The following SLC8A1 variants were observed in gnomAD, a reference collection of about 807,000 sequenced individuals.
SLC8A1 encodes the protein sodium/calcium exchanger 1.
A neutral mutation model predicts 68.3 loss-of-function variants in SLC8A1; 18 were observed. That is an observed-to-expected ratio of 0.26 (90% CI 0.18 to 0.39). The LOEUF is 0.39. SLC8A1 is among the 10% of genes least tolerant of loss of function. SLC8A1 has a pLI of 1.00. For missense variants in SLC8A1, 985 were observed against 1,156.7 expected (o/e 0.85, Z 2.15); for synonymous variants, 475 against 415.5 (o/e 1.14, Z -1.74).
At chr2:40,399,636 A>G (rs1433984638) in intron 2 of SLC8A1, among the ~76,000 whole-genome samples, 1 of 152,186 alleles carries the variant, frequency 6.6e-6, no homozygotes, top group East Asian at 1.9e-4. Context: ...ATGTTACCAA[A>G]AATGCTATGC....
intron 1 of SLC8A1, among the ~76,000 whole-genome samples, chr2:40,458,463 G>A (rs977696318): frequency 2.6e-5 from 4 of 152,116 alleles, no homozygotes; most frequent in Non-Finnish European, 4.4e-5. Context: ...GGGGACTGGT[G>A]TAGATGGAAA....
At chr2:40,427,564 G>A (rs1576406591) in intron 2 of SLC8A1, among the ~76,000 whole-genome samples, 1 of 151,290 alleles carries the variant, frequency 6.6e-6, no homozygotes, top group East Asian at 2.0e-4. Flanking sequence ...GTTTGCTTTT[G>A]GTGAGTTGAG....
intron 1 of SLC8A1, among the ~76,000 whole-genome samples, chr2:40,464,675 A>G (rs753852081): frequency 6.6e-6 from 1 of 152,042 alleles, no homozygotes; most frequent in Non-Finnish European, 1.5e-5. Context: ...ACAGTCTGAG[A>G]AGTGGGGATG....
At chr2:40,455,764 GT>G (rs1159398612), upstream of SLC8A1, among the ~76,000 whole-genome samples, 1 of 152,180 alleles carries the variant, frequency 6.6e-6, no homozygotes, top group African/African-American at 2.4e-5. Context: ...CTGGAGACTT[GT>G]TCCTGCAGTT....
At chr2:40,376,416 G>C (rs186691651) in intron 2 of SLC8A1, among the ~76,000 whole-genome samples, 5 of 152,168 alleles carry the variant, frequency 3.3e-5, no homozygotes, top group African/African-American at 1.2e-4. Context: ...GCAAGTCTCA[G>C]ACTAAATTCT....
chr2:40,130,858 T>A (rs928760406), intron 7 of SLC8A1, among the ~76,000 whole-genome samples: 1 of 152,234 alleles, frequency 6.6e-6, no homozygotes, highest in Non-Finnish European at 1.5e-5. Context: ...TCAGTGAAAC[T>A]GCAGGAAACA....
At chr2:40,161,067 T>C (rs1022402847) in intron 5 of SLC8A1, among the ~76,000 whole-genome samples, 1 of 152,264 alleles carries the variant, frequency 6.6e-6, no homozygotes, top group South Asian at 2.1e-4. Flanking sequence ...TGGAAACTTC[T>C]TTGTAGCAAA....
At chr2:40,160,421 C>T (rs552880479) in intron 6 of SLC8A1, among the ~76,000 whole-genome samples, 1 of 152,062 alleles carries the variant, frequency 6.6e-6, no homozygotes, top group African/African-American at 2.4e-5. Flanking sequence ...TTTTTCTTGA[C>T]CTTGACTTGG....
At chr2:40,253,030 C>CATAT (rs754301885) in intron 2 of SLC8A1, among the ~76,000 whole-genome samples, 33,351 of 117,962 alleles carry the variant, frequency 0.28, 5,456 homozygotes, top group Admixed American at 0.38. Context: ...TATGTATATA[C>CATAT]ATATGTATCA....
intron 2 of SLC8A1, among the ~76,000 whole-genome samples, chr2:40,234,390 GCTCT>G (rs1490448875): frequency 2.6e-5 from 4 of 151,878 alleles, no homozygotes; most frequent in South Asian, 2.1e-4. Flanking sequence ...TCATGATTTG[GCTCT>G]CTGTTTGTCT....
At chr2:40,309,698 G>T (rs561338208) in intron 2 of SLC8A1, among the ~76,000 whole-genome samples, 2 of 151,934 alleles carry the variant, frequency 1.3e-5, no homozygotes, top group African/African-American at 2.4e-5. Context: ...TAGAGACAGG[G>T]TTTCACTATG....
chr2:40,360,357 C>A (rs1246390969), intron 2 of SLC8A1, among the ~76,000 whole-genome samples: 1 of 152,202 alleles, frequency 6.6e-6, no homozygotes, highest in East Asian at 1.9e-4. Flanking sequence ...ATAGCAAGTA[C>A]ATTTAAGTTA....
chr2:40,113,549 G>C (rs181455563), exon 8 of SLC8A1: 1 of 152,610 alleles, frequency 6.6e-6, no homozygotes, highest in Non-Finnish European at 1.5e-5. Context: ...TTAAAGGCCC[G>C]TTGGTCACCC....
chr2:40,343,264 G>A (rs1047991443), intron 2 of SLC8A1, among the ~76,000 whole-genome samples: 3 of 151,914 alleles, frequency 2.0e-5, no homozygotes, highest in Non-Finnish European at 4.4e-5. Flanking sequence ...TTTGGCCATA[G>A]GATAACTCAC....
chr2:40,495,441 C>A (rs1363845352), intron 1 of SLC8A1, among the ~76,000 whole-genome samples: 1 of 151,910 alleles, frequency 6.6e-6, no homozygotes, highest in Non-Finnish European at 1.5e-5. Context: ...GTGTTTTTTT[C>A]TTCTTCTTCA....
At chr2:40,429,680 A>C in exon 2 of SLC8A1, 1 of 1,613,880 alleles carries the variant, frequency 6.2e-7, no homozygotes, top group Non-Finnish European at 8.5e-7. Context: ...AAGACACGCA[A>C]ATGCTTAATC....
chr2:40,340,948 A>G (rs925806315), intron 2 of SLC8A1, among the ~76,000 whole-genome samples: 2 of 152,176 alleles, frequency 1.3e-5, no homozygotes, highest in African/African-American at 2.4e-5. Context: ...CCCATGAGAG[A>G]GTTAAACTTT....
chr2:40,475,995 A>G (rs952526381), intron 1 of SLC8A1, among the ~76,000 whole-genome samples: 3 of 152,132 alleles, frequency 2.0e-5, no homozygotes, highest in Non-Finnish European at 4.4e-5. Flanking sequence ...AAATTCCCAA[A>G]CTCATTTTTT....
At chr2:40,163,127 C>T (rs2045973808) in intron 5 of SLC8A1, among the ~76,000 whole-genome samples, 1 of 152,044 alleles carries the variant, frequency 6.6e-6, no homozygotes, top group Non-Finnish European at 1.5e-5. Context: ...GATAAGTACC[C>T]CAAACAACTG....
Sources: allele counts gnomAD v4.1 joint callset (sites outside exome capture counted in the v4.1 genomes callset), GRCh38; gene constraint gnomAD v4.1.1; transcripts MANE v1.5; gene names NCBI Gene and HGNC (gene_info 2026-07-23, HGNC 2026-07-21).